CKAP2L: variants seen among roughly 807,000 people sequenced by gnomAD.
The protein encoded by CKAP2L is cytoskeleton-associated protein 2-like.
Under a neutral mutation model 65.7 loss-of-function variants are expected in CKAP2L, and 42 were observed. The ratio of observed to expected loss-of-function variants is 0.64; its 90% confidence interval spans 0.50 to 0.83. The LOEUF is 0.83. CKAP2L is among the 40% of genes least tolerant of loss of function. The probability of loss-of-function intolerance (pLI) is 0.00; values close to 1 mark genes in which losing one functional copy is unlikely to be tolerated. For missense variants in CKAP2L, 908 were observed against 871.0 expected, an observed-to-expected ratio of 1.04 and a Z score of -0.53; for synonymous variants, 325 against 313.5, an observed-to-expected ratio of 1.04 and a Z score of -0.39.
At position 112,740,854 on chromosome 2, in the gene CKAP2L, T is replaced by A. The variant is rs764833990; in HGVS notation, c.1976A>T (p.Tyr659Phe). 10 of 1,613,362 alleles carry A rather than the reference T, an allele frequency of 6.2e-6. No individual in the cohort carries two copies. The highest frequency in any genetic ancestry group is 1.3e-5 in the African/African-American group (1 of 74,916). The stretch of plus-strand genomic sequence containing the variant: ...ACCAATCTGTAATTTGATACCAGGA[T>A]AATTATGCTGTTCTGCCTTGGCTAT... ...PRIAKAEQHN[Y>F]PGIKLQIGPI... Residue 659 changes from tyrosine (Y) to phenylalanine (F), a missense_variant, in exon 8 of 9, where the codon TAT (tyrosine) becomes TTT (phenylalanine). Transcript: ENST00000302450.
chr2:112,740,721 G>A (rs1440038513), intron 8 of CKAP2L, 97 bp downstream of exon 8: 1 of 952,870 alleles, frequency 1.0e-6, no homozygotes, highest in South Asian at 1.6e-5. Flanking sequence ...CCTCACTGCA[G>A]GTCAGGTCTC....
At chr2:112,758,207 C>T (rs896254268) in intron 3 of CKAP2L, among the ~76,000 whole-genome samples, 1 of 152,020 alleles carries the variant, frequency 6.6e-6, no homozygotes, top group African/African-American at 2.4e-5. Flanking sequence ...AGGTAGGACT[C>T]GATTACAGAG....
chr2:112,762,293 C>G (rs950493374), intron 2 of CKAP2L, among the ~76,000 whole-genome samples: 3 of 152,218 alleles, frequency 2.0e-5, no homozygotes, highest in Non-Finnish European at 2.9e-5. Context: ...GAGATTCACA[C>G]AGTAATAATG....
chr2:112,750,149 G>A (rs190387243), intron 5 of CKAP2L, among the ~76,000 whole-genome samples: 4 of 152,186 alleles, frequency 2.6e-5, no homozygotes, highest in Non-Finnish European at 5.9e-5. Flanking sequence ...CCTGCTTCTT[G>A]GTTCTGATAC....
At chr2:112,740,742 G>T in intron 8 of CKAP2L, 76 bp downstream of exon 8, 2 of 1,237,436 alleles carry the variant, frequency 1.6e-6, no homozygotes, top group East Asian at 2.3e-5. Flanking sequence ...AGTTACTCTA[G>T]ATCTGTGAAG....
intron 2 of CKAP2L, among the ~76,000 whole-genome samples, chr2:112,762,110 T>C (rs868130061): frequency 1.3e-5 from 2 of 152,118 alleles, no homozygotes; most frequent in East Asian, 1.9e-4. Flanking sequence ...CTACGGAGGA[T>C]TGATTGTAAC....
At position 112,756,436 on chromosome 2, in the gene CKAP2L, C is replaced by T. The variant is rs1463799083; in HGVS notation, c.935G>A (p.Arg312Lys). ...TGACCGTATCTTAGTTTCATTTGGT[C>T]TTTCATATTGACTCCTATTAACCTT... ...DIKVNRSQYE[R>K]PNETKIRSYP... Residue 312 changes from arginine to lysine, a missense_variant, in exon 4 of 9, where the codon AGA (arginine) becomes AAA (lysine). Physicochemically the swap from Arg to Lys is conservative, Grantham distance 26. Coordinates refer to ENST00000302450, the MANE Select transcript of CKAP2L (RefSeq NM_152515.5). 4 of 1,613,858 alleles carry T rather than the reference C, an allele frequency of 2.5e-6. No homozygotes were observed. The highest frequency in any genetic ancestry group is 3.4e-6 in the Non-Finnish European group (4 of 1,179,904).
chr2:112,742,813 T>C lies in CKAP2L; in HGVS notation c.1759-44A>G, dbSNP rs369673441. On this transcript the variant is annotated intron_variant, in intron 6 of 8. Transcript: ENST00000302450. ...ACATACAAAATCTTAAAAACATTCA[T>C]GCAAAAAATTTGCTAAGGAACTTTA... 5.4e-5 allele frequency: 78 copies of C among 1,435,880 alleles called. No homozygotes were observed. In the African/African-American group the frequency reaches 1.1e-3, roughly 20 times the overall value. The allele number at this position is 1,435,880 out of a possible 1,614,324, so 88.9% of individuals were successfully genotyped here.
intron 3 of CKAP2L, 98 bp from the exon 4 acceptor site, chr2:112,757,312 AT>A (rs1237764535): frequency 1.2e-6 from 1 of 838,924 alleles, no homozygotes. Flanking sequence ...AAAAATAATC[AT>A]TTTTAGAATT....
chr2:112,746,574 C>A lies in CKAP2L; in HGVS notation c.1604G>T (p.Gly535Val), dbSNP rs766585648. Reference protein sequence around the residue: ...LTECLNLIEGGVPSNEILNIL... With the variant: ...LTECLNLIEGVVPSNEILNIL... ...GTTAAGTATTTCATTAGAAGGTACA[C>A]CCTGAAATAAACCAAAATATCCAGA... is the stretch of plus-strand genomic sequence containing the variant. Residue 535 changes from glycine to valine, a missense_variant and splice_region_variant, in exon 6 of 9, where the codon GGT becomes GTT. Physicochemically the swap from Gly to Val is moderately radical, Grantham distance 109. Coordinates refer to ENST00000302450, the MANE Select transcript of CKAP2L (RefSeq NM_152515.5). 6.2e-7 allele frequency: 1 copy of A among 1,604,410 alleles called. No homozygotes were observed. Among genetic ancestry groups the A allele is most frequent in the Middle Eastern group, 1.7e-4 (1 of 6,012 alleles).
At chr2:112,761,157 A>G (rs1159075750) in intron 2 of CKAP2L, among the ~76,000 whole-genome samples, 1 of 152,050 alleles carries the variant, frequency 6.6e-6, no homozygotes, top group African/African-American at 2.4e-5. Flanking sequence ...AAAACCATTA[A>G]CTGCTTCTTT....
intron 2 of CKAP2L, among the ~76,000 whole-genome samples, chr2:112,761,992 G>A (rs1423861603): frequency 1.3e-5 from 2 of 152,174 alleles, no homozygotes; most frequent in East Asian, 1.9e-4. Context: ...CAAATAACAC[G>A]ACAAAGATGG....
intron 6 of CKAP2L, among the ~76,000 whole-genome samples, chr2:112,743,751 T>G (rs1016899784): frequency 6.6e-6 from 1 of 152,196 alleles, no homozygotes; most frequent in Non-Finnish European, 1.5e-5. Flanking sequence ...ATACAATCTT[T>G]GTAGGCATTT....
chr2:112,741,991 C>T (rs11123149), intron 7 of CKAP2L, among the ~76,000 whole-genome samples: 75,508 of 141,508 alleles, frequency 0.53, 21,168 homozygotes, highest in African/African-American at 0.75. Context: ...GGTTTCACCA[C>T]GTTGGTCAGG....
At chr2:112,763,166 T>C (rs1371276149) in intron 1 of CKAP2L, among the ~76,000 whole-genome samples, 1 of 152,184 alleles carries the variant, frequency 6.6e-6, no homozygotes, top group African/African-American at 2.4e-5. Flanking sequence ...GTAAATGTCA[T>C]GCCCAAAGTT....
chr2:112,763,736 T>A (rs1203268263), intron 1 of CKAP2L: 1 of 152,170 alleles, frequency 6.6e-6, no homozygotes, highest in Non-Finnish European at 1.5e-5. Context: ...CCTGTTTTGC[T>A]CTCTGATGCT....
intron 7 of CKAP2L, chr2:112,742,307 C>T (rs977823711): frequency 1.7e-5 from 12 of 702,188 alleles, no homozygotes; most frequent in Non-Finnish European, 2.9e-5. Flanking sequence ...TGAAGAGATT[C>T]CTGAGATAGC....
rs116237328 is a variant in CKAP2L, at chr2:112,759,917, T to C, written c.156+796A>G. Among the ~76,000 whole-genome samples, 656 of 151,572 alleles carry C rather than the reference T, an allele frequency of 4.3e-3. 2 individuals carry two copies. Among genetic ancestry groups the C allele is most frequent in the African/African-American group, 0.015 (627 of 41,024 alleles). On this transcript the variant is annotated intron_variant, in intron 3 of 8. Transcript: ENST00000302450. ...ACAGATAAAAACTTATATGTCTATA[T>C]ATGCATATGCATATGACTGAAATAT...
rs1680544673 is a variant in CKAP2L, at chr2:112,756,558, T to G, written c.813A>C (p.Gly271=). 6.2e-7 allele frequency: 1 copy of G among 1,611,978 alleles called. No individual in the cohort carries two copies. The change falls in exon 4 of 9, where the codon GGA becomes GGC. Residue 271 remains glycine (G), a synonymous_variant. Coordinates refer to ENST00000302450, the MANE Select transcript of CKAP2L (RefSeq NM_152515.5). ...LSRGADLARP[G]VKPSRTVPSH... is the part of the protein sequence containing the mutation. ...AGGGAACCGTCCTTGAGGGTTTTACTCCTGGTCTTGCAAGATCTGCTCCTC... is the reference window on the plus strand; with the variant it reads ...AGGGAACCGTCCTTGAGGGTTTTACGCCTGGTCTTGCAAGATCTGCTCCTC...
Sources: allele counts gnomAD v4.1 joint callset (sites outside exome capture counted in the v4.1 genomes callset), GRCh38; gene constraint gnomAD v4.1.1; transcripts MANE v1.5; gene names NCBI Gene and HGNC (gene_info 2026-07-23, HGNC 2026-07-21).